Variants in EPHB1 observed in about 807,000 individuals in gnomAD.
EPHB1 encodes the protein EPH receptor B1, also known as ephrin type-B receptor 1.
EPHB1 carries 30 observed loss-of-function variants against 94.4 expected under a neutral mutation model. The observed-to-expected ratio is 0.32, with a 90% CI of 0.24 to 0.43. The LOEUF (loss-of-function observed/expected upper bound fraction) is 0.43. EPHB1 is among the 20% of genes least tolerant of loss of function. The pLI is 1.00. For missense variants in EPHB1, 1,055 were observed against 1,308.3 expected, an observed-to-expected ratio of 0.81 and a Z score of 2.99; for synonymous variants, 522 against 489.1, an observed-to-expected ratio of 1.07 and a Z score of -0.89.
At chr3:135,077,113 A>T (rs904373887) in intron 3 of EPHB1, among the ~76,000 whole-genome samples, 1 of 152,196 alleles carries the variant, frequency 6.6e-6, no homozygotes, top group African/African-American at 2.4e-5. Flanking sequence ...AAACTGCTTA[A>T]GATAAAAAAG....
intron 12 of EPHB1, among the ~76,000 whole-genome samples, chr3:135,231,933 T>C (rs770261734): frequency 6.6e-6 from 1 of 152,154 alleles, no homozygotes; most frequent in Non-Finnish European, 1.5e-5. Flanking sequence ...ACCATCAAGA[T>C]TGTGGCTTCT....
At chr3:134,976,583 T>C (rs1172755558) in intron 3 of EPHB1, among the ~76,000 whole-genome samples, 1 of 152,214 alleles carries the variant, frequency 6.6e-6, no homozygotes, top group Non-Finnish European at 1.5e-5. Flanking sequence ...GCATCTCAGC[T>C]TAGGGTTCAC....
chr3:134,929,849 C>A (rs180779062), intron 2 of EPHB1, among the ~76,000 whole-genome samples: 62 of 152,288 alleles, frequency 4.1e-4, no homozygotes, highest in Non-Finnish European at 7.3e-4. Context: ...GTTTGAGAAG[C>A]CAGGAGGCTT....
chr3:134,838,550 C>G (rs1462447641), intron 1 of EPHB1, among the ~76,000 whole-genome samples: 1 of 152,278 alleles, frequency 6.6e-6, no homozygotes, highest in South Asian at 2.1e-4. Context: ...TAGTATCTGT[C>G]ATCTCTTATG....
At chr3:135,146,318 T>C (rs948283187) in intron 5 of EPHB1, among the ~76,000 whole-genome samples, 1 of 152,112 alleles carries the variant, frequency 6.6e-6, no homozygotes, top group Non-Finnish European at 1.5e-5. Context: ...AAAGGTAAAA[T>C]TGAGTTTAGA....
intron 3 of EPHB1, among the ~76,000 whole-genome samples, chr3:135,094,862 G>A (rs1938700958): frequency 6.6e-6 from 1 of 152,204 alleles, no homozygotes; most frequent in Non-Finnish European, 1.5e-5. Flanking sequence ...TCTGGTCAGA[G>A]GTCTGTTCCC....
chr3:135,138,597 T>G (rs1344632994), intron 5 of EPHB1, among the ~76,000 whole-genome samples: 1 of 152,234 alleles, frequency 6.6e-6, no homozygotes, highest in East Asian at 1.9e-4. Flanking sequence ...GCCAGTTCAT[T>G]TTTAAGGGCT....
intron 1 of EPHB1, among the ~76,000 whole-genome samples, chr3:134,813,645 C>G (rs963312045): frequency 6.6e-6 from 1 of 152,154 alleles, no homozygotes; most frequent in Non-Finnish European, 1.5e-5. Context: ...AGGTTTCCAG[C>G]TTTTCTGGTT....
intron 12 of EPHB1, among the ~76,000 whole-genome samples, chr3:135,240,533 A>G (rs1333296049): frequency 6.6e-6 from 1 of 152,198 alleles, no homozygotes; most frequent in Non-Finnish European, 1.5e-5. Flanking sequence ...CAGGACAGCC[A>G]GCATGTAGAA....
At chr3:134,881,558 G>A (rs1173246930) in intron 1 of EPHB1, among the ~76,000 whole-genome samples, 1 of 152,150 alleles carries the variant, frequency 6.6e-6, no homozygotes, top group Non-Finnish European at 1.5e-5. Flanking sequence ...GGAGACTGAT[G>A]GATAAACAGC....
rs200876961 is a variant in EPHB1, at chr3:135,132,960, C to A, written c.1208C>A (p.Thr403Asn). Reference sequence around the variant, plus strand: ...AGCCTGTGGGCCCACACCCCCTACACCTTTGACATCCAGGCCATCAATGGA... The same window carrying A: ...AGCCTGTGGGCCCACACCCCCTACAACTTTGACATCCAGGCCATCAATGGA... ...ISSLWAHTPYTFDIQAINGVS... is the reference protein window; with the variant it reads ...ISSLWAHTPYNFDIQAINGVS... The change falls in exon 5 of 16, where the codon ACC becomes AAC. Residue 403 changes from threonine to asparagine, a missense_variant. Thr to Asn is a moderately conservative substitution (Grantham distance 65). Coordinates refer to ENST00000398015, the MANE Select transcript of EPHB1 (RefSeq NM_004441.5). The A allele has an allele frequency of 4.3e-6, 7 of 1,613,976 alleles. No individual in the cohort carries two copies. Among genetic ancestry groups the A allele is most frequent in the East Asian group, 2.2e-5 (1 of 44,882 alleles).
chr3:135,030,958 A>C (rs1576330634), intron 3 of EPHB1, among the ~76,000 whole-genome samples: 2 of 152,296 alleles, frequency 1.3e-5, no homozygotes, highest in Admixed American at 1.3e-4. Context: ...GGAAAAGCGC[A>C]GTATTCGGGT....
intron 15 of EPHB1, among the ~76,000 whole-genome samples, chr3:135,258,733 T>C (rs888501976): frequency 7.9e-5 from 12 of 152,050 alleles, no homozygotes; most frequent in Admixed American, 2.6e-4. Context: ...CAGGAGACAA[T>C]GAAGGGGCTG....
At chr3:134,864,260 C>T (rs752757390) in intron 1 of EPHB1, among the ~76,000 whole-genome samples, 1 of 152,154 alleles carries the variant, frequency 6.6e-6, no homozygotes. Context: ...ACATGCTCAG[C>T]CATCCTAGTG....
chr3:134,913,301 C>G (rs1247892128), intron 1 of EPHB1, among the ~76,000 whole-genome samples: 6 of 152,166 alleles, frequency 3.9e-5, no homozygotes, highest in Admixed American at 2.6e-4. Flanking sequence ...GGGTGCCAGC[C>G]TTTCATGAGA....
intron 3 of EPHB1, among the ~76,000 whole-genome samples, chr3:135,083,781 G>A (rs76437017): frequency 0.058 from 8,777 of 152,194 alleles, 274 homozygotes; most frequent in Middle Eastern, 0.088. Flanking sequence ...ATTGAGGCCT[G>A]CATATTAAAA....
At chr3:135,097,172 T>G (rs1254978808) in intron 3 of EPHB1, among the ~76,000 whole-genome samples, 5 of 147,060 alleles carry the variant, frequency 3.4e-5, no homozygotes, top group Admixed American at 1.3e-4. Flanking sequence ...TTCTTTGTTT[T>G]TTTTTTTTTT....
At chr3:134,829,697 T>C (rs1433816546) in intron 1 of EPHB1, among the ~76,000 whole-genome samples, 1 of 152,206 alleles carries the variant, frequency 6.6e-6, no homozygotes, top group African/African-American at 2.4e-5. Flanking sequence ...GAACGTGCCC[T>C]TATTTGGAAA....
At chr3:134,958,521 A>C (rs537332584) in intron 3 of EPHB1, among the ~76,000 whole-genome samples, 1 of 151,988 alleles carries the variant, frequency 6.6e-6, no homozygotes, top group South Asian at 2.1e-4. Flanking sequence ...CCCATCAGCT[A>C]TTGGCTGGTG....
Sources: allele counts gnomAD v4.1 joint callset (sites outside exome capture counted in the v4.1 genomes callset), GRCh38; gene constraint gnomAD v4.1.1; transcripts MANE v1.5; gene names NCBI Gene and HGNC (gene_info 2026-07-23, HGNC 2026-07-21).